KDM8: variants seen among roughly 807,000 people sequenced by gnomAD.
KDM8 encodes the protein lysine demethylase 8.
In KDM8, 35 loss-of-function variants were observed where a neutral mutation model predicts 46.9. That is an observed-to-expected ratio of 0.75 (90% CI 0.57 to 0.99). KDM8 has a LOEUF of 0.99. KDM8 is among the 50% of genes least tolerant of loss of function. KDM8 has a pLI of 0.00. For synonymous variants in KDM8, 232 were observed against 227.7 expected, an observed-to-expected ratio of 1.02 and a Z score of -0.17; for missense variants, 475 against 537.0, an observed-to-expected ratio of 0.88 and a Z score of 1.14.
intron 6 of KDM8, 93 bp from the exon 7 acceptor site, chr16:27,220,300 G>A (rs778358720): frequency 1.0e-6 from 1 of 1,001,952 alleles, no homozygotes; most frequent in Non-Finnish European, 1.6e-6. Flanking sequence ...CTGGGCCCAG[G>A]GAGCAGCATG....
chr16:27,220,385 C>CTCCCCAGGTGATGGGGAGGAAGTACA lies in KDM8; in HGVS notation c.994-4_1015dup. On this transcript the variant is annotated splice_polypyrimidine_tract_variant and splice_region_variant and intron_variant, in intron 6 of 7. Transcript: ENST00000286096. ...CCACCAGCTGACTGTCAGGGTCTCT[C>CTCCCCAGGTGATGGGGAGGAAGTACA]TCCCCAGGTGATGGGGAGGAAGTAC... 6.2e-7 allele frequency: 1 copy of CTCCCCAGGTGATGGGGAGGAAGTACA among 1,613,226 alleles called. No homozygotes were observed. The highest frequency in any genetic ancestry group is 8.5e-7 in the Non-Finnish European group (1 of 1,179,292).
chr16:27,204,060 G>A (rs749272593), intron 1 of KDM8: 4 of 1,542,540 alleles, frequency 2.6e-6, no homozygotes, highest in South Asian at 2.4e-5. Flanking sequence ...CCGCAAGGCA[G>A]GCTGGAAACG....
chr16:27,208,660 A>T (rs974768300), intron 1 of KDM8, among the ~76,000 whole-genome samples: 12 of 151,938 alleles, frequency 7.9e-5, no homozygotes, highest in African/African-American at 2.9e-4. Context: ...ATGTTGCTCT[A>T]TAAGATTCAT....
At chr16:27,216,858 G>A (rs1222916547) in intron 5 of KDM8, among the ~76,000 whole-genome samples, 2 of 151,972 alleles carry the variant, frequency 1.3e-5, no homozygotes, top group Non-Finnish European at 2.9e-5. Flanking sequence ...CCTTTCTCCT[G>A]ACCCTGGTCA....
Position 27,220,890 on chromosome 16 carries a change from A to C in KDM8, c.*160A>C. On this transcript the variant is annotated 3_prime_UTR_variant, in exon 8 of 8. Transcript: ENST00000286096. ...CTGGGGGGCTGAGCTCCAGCACTGG[A>C]CAGGCACAGAGCAGGGGCTGCCCAG... is the stretch of plus-strand genomic sequence containing the variant. 1.2e-6 allele frequency: 1 copy of C among 839,838 alleles called. No homozygotes were observed. Among genetic ancestry groups the C allele is most frequent in the Non-Finnish European group, 2.0e-6 (1 of 506,720 alleles). The allele number at this position is 839,838 out of a possible 1,614,324, so 52.0% of individuals were successfully genotyped here.
At chr16:27,216,434 C>G (rs1214207426) in intron 5 of KDM8, among the ~76,000 whole-genome samples, 1 of 152,118 alleles carries the variant, frequency 6.6e-6, no homozygotes, top group Non-Finnish European at 1.5e-5. Context: ...AGGGACCTGG[C>G]TGGTGTGGTG....
At chr16:27,203,896 T>C in intron 1 of KDM8, 1 of 482,646 alleles carries the variant, frequency 2.1e-6, no homozygotes. Context: ...GCAGTGGTTT[T>C]GCGCATGCGT....
chr16:27,215,150 G>A lies in KDM8; in HGVS notation c.798+142G>A, dbSNP rs887513941. ...CTGTGGTCGGAGGGACGACCGCAGC[G>A]AGGAAGGCAGGCTGCTTAGCCAGCA... On this transcript the variant is annotated intron_variant, in intron 4 of 7. Coordinates refer to ENST00000286096, the MANE Select transcript of KDM8 (RefSeq NM_024773.3). 9 of 902,606 alleles carry A rather than the reference G, an allele frequency of 1.0e-5. 1 individual carries two copies. The highest frequency in any genetic ancestry group is 7.7e-5 in the South Asian group (5 of 64,518). The allele number at this position is 902,606 out of a possible 1,614,324, so 55.9% of individuals were successfully genotyped here.
chr16:27,210,943 T>G (rs1337023277), intron 2 of KDM8, among the ~76,000 whole-genome samples: 1 of 152,132 alleles, frequency 6.6e-6, no homozygotes. Flanking sequence ...TTTTAGTTTC[T>G]TATTTATTTT....
chr16:27,209,956 T>G (rs1249109681), intron 1 of KDM8, 137 bp from the exon 2 acceptor site: 1 of 879,470 alleles, frequency 1.1e-6, no homozygotes, highest in African/African-American at 1.7e-5. Flanking sequence ...ATGAGGGCCC[T>G]CCCCTCCAGA....
rs143487068 is a variant in KDM8 at position 27,221,023 on chromosome 16, G to A, written c.*293G>A. 16 of 457,682 alleles carry A rather than the reference G, an allele frequency of 3.5e-5. No individual in the cohort carries two copies. The highest frequency in any genetic ancestry group is 1.2e-4 in the African/African-American group (6 of 50,448). 28.4% of individuals were successfully genotyped at this position (457,682 alleles called of 1,614,324 possible). On this transcript the variant is annotated 3_prime_UTR_variant, in exon 8 of 8. Coordinates refer to ENST00000286096, the MANE Select transcript of KDM8 (RefSeq NM_024773.3). ...ATGGGGACTCTGGCATCAGAAAGCC[G>A]AATGTTTTTGGGAAACGGGTGGGTC...
At chr16:27,220,257 A>G (rs2140977763) in intron 6 of KDM8, 136 bp from the exon 7 acceptor site, 1 of 743,396 alleles carries the variant, frequency 1.3e-6, no homozygotes, top group South Asian at 1.5e-5. Flanking sequence ...TACACGTGGA[A>G]CCATAAGCAT....
chr16:27,216,082 A>T, intron 5 of KDM8, 93 bp downstream of exon 5: 1 of 1,337,004 alleles, frequency 7.5e-7, no homozygotes, highest in Non-Finnish European at 1.1e-6. Flanking sequence ...AGTGAGCGTG[A>T]GTAGGAGGGA....
chr16:27,212,236 A>C (rs905321239), intron 2 of KDM8, among the ~76,000 whole-genome samples: 1 of 149,738 alleles, frequency 6.7e-6, no homozygotes, highest in Non-Finnish European at 1.5e-5. Context: ...CTCTGGTTAA[A>C]AAAATAAAAG....
At chr16:27,218,931 C>G (rs1261249474) in intron 5 of KDM8, 30 bp from the exon 6 acceptor site, 2 of 1,613,584 alleles carry the variant, frequency 1.2e-6, no homozygotes, top group African/African-American at 2.7e-5. Flanking sequence ...GCCGGATCCC[C>G]ACATCTCATG....
intron 5 of KDM8, chr16:27,216,245 G>A (rs2083551204): frequency 1.8e-6 from 1 of 559,676 alleles, no homozygotes; most frequent in Non-Finnish European, 3.2e-6. Flanking sequence ...GCGGGTGGCT[G>A]GCTGGGCTAT....
chr16:27,208,855 A>C (rs1475744031), intron 1 of KDM8, among the ~76,000 whole-genome samples: 2 of 152,226 alleles, frequency 1.3e-5, no homozygotes, highest in Admixed American at 1.3e-4. Flanking sequence ...CCACCCTGGC[A>C]GGCTGGGGCT....
chr16:27,214,978 C>G lies in KDM8; in HGVS notation c.768C>G (p.Asn256Lys). ...EEWSQTLMTV[N>K]EFISKYIVNE... ...GGTCCCAGACCCTCATGACGGTCAA[C>G]GAGTTCATCAGCAAATACATCGTGA... Residue 256 changes from asparagine (N) to lysine (K), a missense_variant, in exon 4 of 8, where the codon AAC (asparagine) becomes AAG (lysine). Transcript: ENST00000286096. 1 of 1,614,136 alleles carries G rather than the reference C, an allele frequency of 6.2e-7. No homozygotes were observed. The highest frequency in any genetic ancestry group is 8.5e-7 in the Non-Finnish European group (1 of 1,180,020).
chr16:27,208,283 C>T (rs1331894644), intron 1 of KDM8, among the ~76,000 whole-genome samples: 5 of 149,700 alleles, frequency 3.3e-5, no homozygotes, highest in African/African-American at 1.2e-4. Flanking sequence ...AAAGCAGACA[C>T]GGGGCCACTG....
Sources: gnomAD v4.1 joint callset for allele counts (sites outside exome capture counted in the v4.1 genomes callset) on GRCh38, gnomAD v4.1.1 for gene constraint, MANE v1.5 for transcripts, NCBI Gene and HGNC (gene_info 2026-07-23, HGNC 2026-07-21) for gene names.